NDEL1: variants seen among roughly 807,000 people sequenced by gnomAD.
NDEL1 encodes the protein nuclear distribution protein nudE-like 1.
Under a neutral mutation model 45.7 loss-of-function variants are expected in NDEL1, and 9 were observed. The ratio of observed to expected loss-of-function variants is 0.20; its 90% confidence interval spans 0.12 to 0.34. NDEL1 has a LOEUF of 0.34. Ranked by LOEUF, NDEL1 falls within the 10% of genes least tolerant of loss-of-function variation. The pLI, the probability that NDEL1 is intolerant of heterozygous loss-of-function variation, is 1.00. For missense variants in NDEL1, 306 were observed against 406.2 expected, an observed-to-expected ratio of 0.75 and a Z score of 2.12; for synonymous variants, 133 against 158.6, an observed-to-expected ratio of 0.84 and a Z score of 1.21.
At chr17:8,447,041 G>C in intron 4 of NDEL1, 139 bp downstream of exon 4, 2 of 1,061,146 alleles carry the variant, frequency 1.9e-6, no homozygotes, top group Non-Finnish European at 2.7e-6. Flanking sequence ...CTCATCGGAC[G>C]GAAGGGAACC....
intron 6 of NDEL1, among the ~76,000 whole-genome samples, chr17:8,453,672 A>C (rs1597547150): frequency 6.6e-6 from 1 of 152,316 alleles, no homozygotes; most frequent in East Asian, 1.9e-4. Flanking sequence ...TACAATATCC[A>C]TTCTCCCCAA....
In NDEL1 at chr17:8,460,557, T is replaced by G. The variant is rs913304901; in HGVS notation, c.944+397T>G. Among the ~76,000 whole-genome samples the G allele has an allele frequency of 2.0e-5, 3 of 152,226 alleles. No homozygotes were observed. The South Asian group carries it at 6.2e-4, about 31-fold the overall frequency. Reference sequence around the variant, plus strand: ...CAACAGACATCCCCTGTGAGAATTTTAGAGAAATATAAAGCCCTGAAGTAC... The same window carrying G: ...CAACAGACATCCCCTGTGAGAATTTGAGAGAAATATAAAGCCCTGAAGTAC... On this transcript the variant is annotated intron_variant, in intron 8 of 8. Transcript: ENST00000334527.
upstream of NDEL1, among the ~76,000 whole-genome samples, chr17:8,432,479 G>C (rs1010086145): frequency 1.6e-4 from 24 of 150,678 alleles, no homozygotes; most frequent in African/African-American, 5.9e-4. Context: ...CCGCCTCCCG[G>C]GTTCATGCCA....
intron 1 of NDEL1, among the ~76,000 whole-genome samples, chr17:8,418,752 C>T (rs950443630): frequency 6.9e-6 from 1 of 145,766 alleles, no homozygotes; most frequent in African/African-American, 2.5e-5. Context: ...TCTTTCCTTC[C>T]TTCCTTCCCT....
At chr17:8,461,992 G>A (rs1264940378) in intron 8 of NDEL1, among the ~76,000 whole-genome samples, 1 of 151,962 alleles carries the variant, frequency 6.6e-6, no homozygotes, top group Admixed American at 6.6e-5. Flanking sequence ...CCCGCCACTT[G>A]CCTCCCAAGA....
intron 1 of NDEL1, among the ~76,000 whole-genome samples, chr17:8,416,951 A>C (rs1483213293): frequency 6.6e-6 from 1 of 152,160 alleles, no homozygotes; most frequent in Non-Finnish European, 1.5e-5. Flanking sequence ...ATTTTTAAAA[A>C]GCGCTCTTGT....
At chr17:8,448,005 C>T (rs1327728812) in intron 4 of NDEL1, among the ~76,000 whole-genome samples, 1 of 151,682 alleles carries the variant, frequency 6.6e-6, no homozygotes, top group Admixed American at 6.6e-5. Context: ...GTGGGGGAAC[C>T]AATCAGAGGC....
At position 8,445,695 on chromosome 17, in the gene NDEL1, C is replaced by T. The variant is rs1910038734; in HGVS notation, c.87-16C>T. On this transcript the variant is annotated splice_polypyrimidine_tract_variant and intron_variant, in intron 2 of 8. Transcript: ENST00000334527. ...TTCTTAGTGTAACTCGTCTTTCCCA[C>T]TTTGTTTCTGATTAGCTTCCAGGAA... 1 of 1,587,802 alleles carries T rather than the reference C, an allele frequency of 6.3e-7. No individual in the cohort carries two copies.
intron 7 of NDEL1, among the ~76,000 whole-genome samples, chr17:8,458,494 G>A (rs1055979362): frequency 3.9e-5 from 6 of 151,902 alleles, no homozygotes; most frequent in African/African-American, 1.5e-4. Context: ...ACTCAATATG[G>A]ATTTGAATGA....
At chr17:8,428,352 G>A (rs1489663132) in intron 1 of NDEL1, among the ~76,000 whole-genome samples, 21 of 94,898 alleles carry the variant, frequency 2.2e-4, no homozygotes, top group South Asian at 1.3e-3. Flanking sequence ...GTGTGTGTGT[G>A]TGTGTGTGTA....
chr17:8,414,920 A>G (rs541480571), intron 1 of NDEL1, among the ~76,000 whole-genome samples: 7 of 152,234 alleles, frequency 4.6e-5, no homozygotes, highest in Non-Finnish European at 8.8e-5. Flanking sequence ...AGTCTCTATT[A>G]TCTATTAGAT....
At chr17:8,432,993 C>G (rs779323592), upstream of NDEL1, among the ~76,000 whole-genome samples, 13 of 152,050 alleles carry the variant, frequency 8.5e-5, no homozygotes, top group Non-Finnish European at 1.5e-4. Flanking sequence ...TTGCTCTTGA[C>G]TGGTTCACTT....
At chr17:8,445,164 AAATC>A (rs1910000065) in intron 2 of NDEL1, 1 of 152,342 alleles carries the variant, frequency 6.6e-6, no homozygotes, top group East Asian at 1.9e-4. Flanking sequence ...ATTACAAAGA[AAATC>A]AATTATATTG....
intron 4 of NDEL1, among the ~76,000 whole-genome samples, chr17:8,447,389 C>T (rs1406243780): frequency 6.6e-6 from 1 of 152,166 alleles, no homozygotes. Flanking sequence ...GTGATCTGCC[C>T]ACCTTGGCCT....
chr17:8,464,740 C>T (rs1397046111), intron 8 of NDEL1: 3 of 152,380 alleles, frequency 2.0e-5, no homozygotes, highest in Non-Finnish European at 2.9e-5. Flanking sequence ...CAGGAGGAGA[C>T]TAGAAAAGGG....
chr17:8,461,972 G>A lies in NDEL1; in HGVS notation c.944+1812G>A, dbSNP rs116474510. Among the ~76,000 whole-genome samples, 1,408 of 152,032 alleles carry A rather than the reference G, an allele frequency of 9.3e-3. 22 individuals are homozygous for A. The highest frequency in any genetic ancestry group is 0.033 in the African/African-American group (1,347 of 41,436). On this transcript the variant is annotated intron_variant, in intron 8 of 8. Transcript: ENST00000334527. Reference sequence around the variant, plus strand: ...AGGATAACACTGTCTGTTCAGGGTCGCTACTCCTGCCCGCCACTTGCCTCC... The same window carrying A: ...AGGATAACACTGTCTGTTCAGGGTCACTACTCCTGCCCGCCACTTGCCTCC...
chr17:8,455,646 C>G (rs765861944), intron 7 of NDEL1, among the ~76,000 whole-genome samples: 10 of 147,254 alleles, frequency 6.8e-5, no homozygotes, highest in Non-Finnish European at 1.5e-4. Context: ...GAGATCGAGC[C>G]ACTGCACTCC....
At position 8,420,322 on chromosome 17, in the gene NDEL1, C is replaced by T. The variant is rs570026845; in HGVS notation, c.-13+7053C>T. On this transcript the variant is annotated intron_variant, in intron 1 of 4. Coordinates refer to the NDEL1 transcript ENST00000582812. Reference sequence around the variant, plus strand: ...TGCTCTGGTTCAAGAGGCTGCCCCCCCAAAATAAAAAATAAAACACTTCAC... The same window carrying T: ...TGCTCTGGTTCAAGAGGCTGCCCCCTCAAAATAAAAAATAAAACACTTCAC... Among the ~76,000 whole-genome samples, 8 of 152,122 alleles carry T rather than the reference C, an allele frequency of 5.3e-5. 1 individual carries two copies. Among genetic ancestry groups the T allele is most frequent in the Non-Finnish European group, 7.4e-5 (5 of 68,024 alleles).
chr17:8,432,426 C>T (rs1239317317), upstream of NDEL1, among the ~76,000 whole-genome samples: 3 of 132,224 alleles, frequency 2.3e-5, no homozygotes, highest in Non-Finnish European at 3.3e-5. Flanking sequence ...GCTCTGTTGC[C>T]CAGGCTGGAG....
Sources: gnomAD v4.1 joint callset for allele counts (sites outside exome capture counted in the v4.1 genomes callset) on GRCh38, gnomAD v4.1.1 for gene constraint, MANE v1.5 for transcripts, NCBI Gene and HGNC (gene_info 2026-07-23, HGNC 2026-07-21) for gene names.